VPS53: variants seen among roughly 807,000 people sequenced by gnomAD.
The protein encoded by VPS53 is VPS53 subunit of GARP complex.
A neutral mutation model predicts 107.0 loss-of-function variants in VPS53; 70 were observed. That is an observed-to-expected ratio of 0.65 (90% CI 0.54 to 0.80). The LOEUF is 0.80. VPS53 is among the 30% of genes least tolerant of loss of function. The pLI is 0.00. For missense variants in VPS53, 917 were observed against 1,049.4 expected, an observed-to-expected ratio of 0.87 and a Z score of 1.74; for synonymous variants, 409 against 393.3, an observed-to-expected ratio of 1.04 and a Z score of -0.47.
intron 17 of VPS53, among the ~76,000 whole-genome samples, chr17:548,395 A>T (rs1911444938): frequency 6.7e-6 from 1 of 149,716 alleles, no homozygotes; most frequent in Admixed American, 6.6e-5. Context: ...TCATCCAATG[A>T]CTACACTCCA....
chr17:635,720 T>G (rs1970170322), intron 7 of VPS53, among the ~76,000 whole-genome samples: 2 of 152,200 alleles, frequency 1.3e-5, no homozygotes. Context: ...TGTGTGGTAT[T>G]ATTTCTGAGG....
chr17:674,099 T>A (rs184152051), intron 4 of VPS53: 13 of 152,226 alleles, frequency 8.5e-5, no homozygotes, highest in African/African-American at 3.1e-4. Context: ...CCCCGGAGGA[T>A]GAGAGCATTT....
intron 11 of VPS53, among the ~76,000 whole-genome samples, chr17:621,391 T>G (rs1969461176): frequency 6.6e-6 from 1 of 152,248 alleles, no homozygotes; most frequent in African/African-American, 2.4e-5. Flanking sequence ...AGTTCACCTC[T>G]TTCTTTGTGC....
chr17:528,694 G>T (rs530681834), intron 19 of VPS53, among the ~76,000 whole-genome samples: 3 of 150,244 alleles, frequency 2.0e-5, no homozygotes, highest in Non-Finnish European at 4.4e-5. Flanking sequence ...TGCCTCCCAG[G>T]TTCAAGTGAT....
chr17:573,288 ACCT>A (rs1484763825), intron 13 of VPS53, among the ~76,000 whole-genome samples: 3 of 152,118 alleles, frequency 2.0e-5, no homozygotes, highest in Non-Finnish European at 4.4e-5. Context: ...AGACAGACTA[ACCT>A]CCTCTTTGAA....
chr17:519,421 G>C lies in VPS53; in HGVS notation c.2329-123C>G, dbSNP rs1908551155. On this transcript the variant is annotated intron_variant, in intron 21 of 21. Coordinates refer to ENST00000437048, the MANE Select transcript of VPS53 (RefSeq NM_001128159.3). The surrounding 1 kb of genome is among the most constrained non-coding windows in gnomAD (Gnocchi z 5.0). ...GGAGACAGCATAGTTACTCCAGGCT[G>C]AGGATGAACCGTTTCCTCAAGGGAC... is the stretch of plus-strand genomic sequence containing the variant. 1 of 1,040,972 alleles carries C rather than the reference G, an allele frequency of 9.6e-7. No individual in the cohort carries two copies. 64.5% of individuals were successfully genotyped at this position (1,040,972 alleles called of 1,614,324 possible). A position where few individuals can be genotyped will look rare whatever the true frequency, so the allele number is the denominator to read the frequency against.
In VPS53 at chr17:601,995, T is replaced by C. The variant is rs1968348948; in HGVS notation, c.1117-99A>G. 3.5e-6 allele frequency: 3 copies of C among 853,524 alleles called. No homozygotes were observed. In the Admixed American group the frequency reaches 9.3e-5, roughly 26 times the overall value. The allele number at this position is 853,524 out of a possible 1,614,324, so 52.9% of individuals were successfully genotyped here. ...CTAGGTGTCTCCAACAAGGAAGTCA[T>C]GCACGCTATCTGATAAAGAAGAACT... On this transcript the variant is annotated intron_variant, in intron 11 of 21. Transcript: ENST00000437048.
intron 4 of VPS53, among the ~76,000 whole-genome samples, chr17:677,385 T>C (rs1250917213): frequency 1.3e-5 from 2 of 152,176 alleles, no homozygotes; most frequent in African/African-American, 2.4e-5. Flanking sequence ...TATATTAATA[T>C]AAAGTTCCCA....
Position 515,596 on chromosome 17 carries a change from C to G in VPS53, c.*3532G>C, listed in dbSNP as rs1457101294. On this transcript the variant is annotated 3_prime_UTR_variant, in exon 22 of 22. Transcript: ENST00000437048. ...CTTGTCTTGAAGTCCTGGGCTCAAG[C>G]AATCTTCCCACCTCAGCCTCTCAAA... The G allele has an allele frequency of 6.6e-6, 1 of 152,154 alleles. No homozygotes were observed. Among genetic ancestry groups the G allele is most frequent in the African/African-American group, 2.4e-5 (1 of 41,420 alleles). 9.4% of individuals were successfully genotyped at this position (152,154 alleles called of 1,614,324 possible).
At chr17:613,938 A>G (rs986843275) in intron 11 of VPS53, among the ~76,000 whole-genome samples, 6 of 152,268 alleles carry the variant, frequency 3.9e-5, no homozygotes, top group African/African-American at 1.4e-4. Flanking sequence ...TGCACTATTC[A>G]GCCATCAAAA....
At chr17:605,499 C>A (rs9897890) in intron 11 of VPS53, among the ~76,000 whole-genome samples, 4,593 of 128,328 alleles carry the variant, frequency 0.036, 239 homozygotes, top group African/African-American at 0.13. Flanking sequence ...GCGGGAGTCC[C>A]ATCATATTGG....
intron 10 of VPS53, among the ~76,000 whole-genome samples, chr17:626,231 C>T (rs1159461474): frequency 6.6e-6 from 1 of 151,742 alleles, no homozygotes; most frequent in African/African-American, 2.4e-5. Context: ...AAGTCTGACT[C>T]TGGCTTTAGC....
At chr17:654,011 C>T (rs1347003473) in intron 6 of VPS53, among the ~76,000 whole-genome samples, 18 of 152,234 alleles carry the variant, frequency 1.2e-4, no homozygotes, top group African/African-American at 4.1e-4. Flanking sequence ...CTGGCCAACA[C>T]GGTGAAACAC....
At chr17:611,387 G>A (rs1156882256) in intron 11 of VPS53, among the ~76,000 whole-genome samples, 3 of 152,158 alleles carry the variant, frequency 2.0e-5, no homozygotes, top group East Asian at 3.9e-4. Flanking sequence ...ACCACAAGGA[G>A]ATACTACTCT....
At chr17:641,070 G>C (rs1455765758) in intron 7 of VPS53, among the ~76,000 whole-genome samples, 1 of 152,152 alleles carries the variant, frequency 6.6e-6, no homozygotes, top group Non-Finnish European at 1.5e-5. Flanking sequence ...TGGCCAGGCT[G>C]GTCTCCAACT....
chr17:699,890 A>C (rs1973130450), intron 2 of VPS53, among the ~76,000 whole-genome samples: 1 of 152,224 alleles, frequency 6.6e-6, no homozygotes, highest in African/African-American at 2.4e-5. Context: ...TTTCACTAAC[A>C]TAATTCTCCT....
intron 17 of VPS53, chr17:537,753 G>C (rs1039854718): frequency 1.3e-5 from 2 of 152,600 alleles, no homozygotes; most frequent in African/African-American, 4.8e-5. Flanking sequence ...ATAAGATCGT[G>C]AAGCTGAGTG....
chr17:593,495 A>G (rs1443329341), intron 12 of VPS53, among the ~76,000 whole-genome samples: 3 of 152,182 alleles, frequency 2.0e-5, no homozygotes, highest in East Asian at 1.9e-4. Flanking sequence ...AAAAGTGGGC[A>G]AAGGACATGA....
At chr17:640,030 A>G (rs1459351544) in intron 7 of VPS53, among the ~76,000 whole-genome samples, 2 of 152,048 alleles carry the variant, frequency 1.3e-5, no homozygotes, top group African/African-American at 4.8e-5. Context: ...GGCCTCCTTG[A>G]GCTGTGCTGG....
Sources: allele counts gnomAD v4.1 joint callset (sites outside exome capture counted in the v4.1 genomes callset), GRCh38; gene constraint gnomAD v4.1.1; non-coding constraint Gnocchi (gnomAD v3.1); transcripts MANE v1.5; gene names NCBI Gene and HGNC (gene_info 2026-07-23, HGNC 2026-07-21).